Variants in ABCA13 observed in about 807,000 individuals in gnomAD.
ABCA13 encodes the protein ATP-binding cassette sub-family A member 13.
In ABCA13, 476 loss-of-function variants were observed where a neutral mutation model predicts 478.7. That is an observed-to-expected ratio of 0.99 (90% CI 0.92 to 1.07). The LOEUF is 1.07. ABCA13 is among the 50% of genes least tolerant of loss of function. The pLI is 0.00. For synonymous variants in ABCA13, 2,252 were observed against 2,158.9 expected (o/e 1.04, Z -1.20); for missense variants, 6,060 against 5,910.6 (o/e 1.03, Z -0.83).
intron 39 of ABCA13, among the ~76,000 whole-genome samples, chr7:48,405,552 C>T (rs146765408): frequency 3.3e-5 from 5 of 152,298 alleles, no homozygotes; most frequent in East Asian, 1.9e-4. Flanking sequence ...ACAATTTGCG[C>T]ACTACCCTGG....
chr7:48,276,291 C>T lies in ABCA13; in HGVS notation c.6625C>T (p.Leu2209=). The T allele has an allele frequency of 6.4e-7, 1 of 1,560,516 alleles. No homozygotes were observed. The highest frequency in any genetic ancestry group is 1.2e-5 in the South Asian group (1 of 84,048). The change falls in exon 17 of 62, where the codon CTA becomes TTA. Residue 2209 remains leucine, a synonymous_variant. Transcript: ENST00000435803. ...SVVQLLFENI[L]INLINNLAGN... Reference sequence around the variant, plus strand: ...TGTTCAGCTGCTTTTTGAAAACATCCTAATTAATTTGATCAATAACTTAGC... The same window carrying T: ...TGTTCAGCTGCTTTTTGAAAACATCTTAATTAATTTGATCAATAACTTAGC...
chr7:48,281,917 C>A (rs1797108271), intron 19 of ABCA13, among the ~76,000 whole-genome samples: 1 of 152,166 alleles, frequency 6.6e-6, no homozygotes, highest in Non-Finnish European at 1.5e-5. Context: ...GTGTCATAAC[C>A]TTCTGTGTGC....
At position 48,646,003 on chromosome 7, in the gene ABCA13, T is replaced by C. The variant is rs2131711256; in HGVS notation, c.*491T>C. Reference sequence around the variant, plus strand: ...TCATCTATTTACTAGATACATGTTTTTAATGATTTTAATGTAAGCTTTTAT... The same window carrying C: ...TCATCTATTTACTAGATACATGTTTCTAATGATTTTAATGTAAGCTTTTAT... On this transcript the variant is annotated 3_prime_UTR_variant, in exon 62 of 62. Transcript: ENST00000435803. 1 of 153,966 alleles carries C rather than the reference T, an allele frequency of 6.5e-6. No individual in the cohort carries two copies. The highest frequency in any genetic ancestry group is 2.4e-5 in the African/African-American group (1 of 41,594). 9.5% of individuals were successfully genotyped at this position (153,966 alleles called of 1,614,324 possible).
At chr7:48,644,844 A>G in intron 61 of ABCA13, 90 bp downstream of exon 61, 1 of 1,257,066 alleles carries the variant, frequency 8.0e-7, no homozygotes, top group Non-Finnish European at 1.1e-6. Context: ...GAATTGCTTC[A>G]ATTCACCACT....
Position 48,392,034 on chromosome 7 carries a change from A to C in ABCA13, c.11768A>C (p.Gln3923Pro), listed in dbSNP as rs917238761. The C allele has an allele frequency of 6.2e-7, 1 of 1,614,034 alleles. No individual in the cohort carries two copies. Among genetic ancestry groups the C allele is most frequent in the Non-Finnish European group, 8.5e-7 (1 of 1,179,882 alleles). Residue 3923 changes from glutamine to proline, a missense_variant, in exon 38 of 62, where the codon CAG (glutamine) becomes CCG (proline). This residue lies in a region of ABCA13 where 1,627 missense variants were observed against 1,571.0 expected (regional missense o/e 1.04). Coordinates refer to ENST00000435803, the MANE Select transcript of ABCA13 (RefSeq NM_152701.5). ...VRMELGVCPQ[Q>P]DILLDNLTVR... Reference sequence around the variant, plus strand: ...ATGGAGCTTGGTGTGTGTCCGCAGCAGGACATCCTGTTGGACAACCTCACC... The same window carrying C: ...ATGGAGCTTGGTGTGTGTCCGCAGCCGGACATCCTGTTGGACAACCTCACC...
At chr7:48,383,515 C>G (rs1214518685) in intron 35 of ABCA13, among the ~76,000 whole-genome samples, 1 of 152,126 alleles carries the variant, frequency 6.6e-6, no homozygotes, top group Non-Finnish European at 1.5e-5. Context: ...GATTTCCTTG[C>G]GTACACTCAA....
chr7:48,330,202 C>G (rs1261507763), intron 27 of ABCA13, among the ~76,000 whole-genome samples: 2 of 151,330 alleles, frequency 1.3e-5, no homozygotes, highest in Non-Finnish European at 2.9e-5. Flanking sequence ...TCTATCAATC[C>G]ATTCATCCAT....
chr7:48,448,983 C>T (rs528661799), intron 42 of ABCA13, among the ~76,000 whole-genome samples: 1 of 152,224 alleles, frequency 6.6e-6, no homozygotes, highest in African/African-American at 2.4e-5. Context: ...GCTGGGATTA[C>T]AGGCACCCAC....
chr7:48,581,581 A>C (rs2131369693), intron 56 of ABCA13, among the ~76,000 whole-genome samples: 1 of 152,308 alleles, frequency 6.6e-6, no homozygotes, highest in South Asian at 2.1e-4. Flanking sequence ...TTAAGCTGGC[A>C]CTTTTGTTTT....
chr7:48,333,336 A>G (rs903745041), intron 27 of ABCA13, among the ~76,000 whole-genome samples: 2 of 151,992 alleles, frequency 1.3e-5, no homozygotes, highest in Non-Finnish European at 2.9e-5. Context: ...ATTTTCTGCT[A>G]TTTTGTTTGC....
chr7:48,221,613 G>T (rs947596792), intron 5 of ABCA13, among the ~76,000 whole-genome samples: 1 of 152,232 alleles, frequency 6.6e-6, no homozygotes, highest in Non-Finnish European at 1.5e-5. Flanking sequence ...CCCAGGGATG[G>T]TCTGAGATTT....
At chr7:48,414,325 A>G (rs1819667414) in intron 41 of ABCA13, among the ~76,000 whole-genome samples, 1 of 152,044 alleles carries the variant, frequency 6.6e-6, no homozygotes, top group Admixed American at 6.5e-5. Context: ...CCAACTTGTT[A>G]TGCATGCTTC....
chr7:48,556,548 G>C (rs1225202164), intron 55 of ABCA13, among the ~76,000 whole-genome samples: 1 of 151,812 alleles, frequency 6.6e-6, no homozygotes, highest in East Asian at 1.9e-4. Context: ...CTTTTATCGT[G>C]ATGTAATGAC....
intron 41 of ABCA13, among the ~76,000 whole-genome samples, chr7:48,426,663 T>A (rs1192438783): frequency 1.3e-5 from 2 of 152,082 alleles, no homozygotes; most frequent in African/African-American, 4.8e-5. Flanking sequence ...TATGGATACG[T>A]GCAGAGGAAG....
intron 43 of ABCA13, among the ~76,000 whole-genome samples, chr7:48,460,301 G>GT (rs1302057731): frequency 6.6e-6 from 1 of 152,170 alleles, no homozygotes; most frequent in East Asian, 1.9e-4. Context: ...TTTTCTCACT[G>GT]TTCTGGAGGC....
chr7:48,571,419 T>C (rs1212353080), intron 55 of ABCA13, among the ~76,000 whole-genome samples: 2 of 152,180 alleles, frequency 1.3e-5, no homozygotes, highest in Non-Finnish European at 2.9e-5. Flanking sequence ...TCTTAATCTC[T>C]CATTAAATTT....
intron 35 of ABCA13, among the ~76,000 whole-genome samples, chr7:48,385,179 G>T (rs1814989106): frequency 6.6e-6 from 1 of 152,122 alleles, no homozygotes; most frequent in Non-Finnish European, 1.5e-5. Flanking sequence ...TACATGTGCA[G>T]GTTTGTTACA....
intron 23 of ABCA13, among the ~76,000 whole-genome samples, chr7:48,309,033 GCACA>G (rs10523187): frequency 0.052 from 7,234 of 138,084 alleles, 220 homozygotes; most frequent in Middle Eastern, 0.12. Flanking sequence ...ACACATGACT[GCACA>G]CACACACACA....
Position 48,297,306 on chromosome 7 carries a change from C to A in ABCA13, c.9194C>A (p.Thr3065Asn). 1 of 1,606,306 alleles carries A rather than the reference C, an allele frequency of 6.2e-7. No individual in the cohort carries two copies. Among genetic ancestry groups the A allele is most frequent in the Non-Finnish European group, 8.5e-7 (1 of 1,176,156 alleles). The stretch of plus-strand genomic sequence containing the variant: ...ACTTTTCTCAGCAATTTCACAGTAA[C>A]TGAGGGTAAGTATGTGGTTTTCCAA... Reference protein sequence around the residue: ...IMTFLSNFTVTEDVKIKDLMK... With the variant: ...IMTFLSNFTVNEDVKIKDLMK... Residue 3065 changes from threonine to asparagine, a missense_variant, in exon 22 of 62, where the codon ACT (threonine) becomes AAT (asparagine). By Grantham distance (65) the Thr-to-Asn change is moderately conservative. Coordinates refer to ENST00000435803, the MANE Select transcript of ABCA13 (RefSeq NM_152701.5).
Sources: allele counts gnomAD v4.1 joint callset (sites outside exome capture counted in the v4.1 genomes callset), GRCh38; gene constraint gnomAD v4.1.1; regional missense constraint gnomAD v4.1.1; transcripts MANE v1.5; gene names NCBI Gene and HGNC (gene_info 2026-07-23, HGNC 2026-07-21).